CCNDBP1: variants seen among roughly 807,000 people sequenced by gnomAD.
The protein encoded by CCNDBP1 is cyclin D1 binding protein 1.
In CCNDBP1, 45 loss-of-function variants were observed where a neutral mutation model predicts 46.2. The observed-to-expected ratio is 0.97, with a 90% CI of 0.77 to 1.25. The LOEUF is 1.25. CCNDBP1 is among the 50% of genes most tolerant of loss of function. The pLI, the probability that CCNDBP1 is intolerant of heterozygous loss-of-function variation, is 0.00. For synonymous variants in CCNDBP1, 154 were observed against 163.6 expected (o/e 0.94, Z 0.45); for missense variants, 436 against 442.1 (o/e 0.99, Z 0.12).
chr15:43,192,704 G>A (rs372064198), intron 8 of CCNDBP1, 39 bp from the exon 9 acceptor site: 142 of 1,597,176 alleles, frequency 8.9e-5, no homozygotes, highest in Admixed American at 2.0e-4. Flanking sequence ...ACCTGGCTGC[G>A]TTTTTTTGTT....
intron 2 of CCNDBP1, 95 bp downstream of exon 2, chr15:43,185,974 C>T (rs548288479): frequency 1.9e-5 from 25 of 1,290,952 alleles, no homozygotes; most frequent in Middle Eastern, 1.8e-4. Context: ...GGACTGCTCT[C>T]CCCCGCTGCA....
At position 43,191,436 on chromosome 15, in the gene CCNDBP1, T is replaced by C. The variant is rs373552340; in HGVS notation, c.621T>C (p.Asp207=). ...ACCCTTACTCTGGCCTCTTGAATGA[T>C]ACTGAGGAGAACAACTCTGACAACC... The part of the protein sequence containing the change: ...ECDPYSGLLN[D]TEENNSDNHN... Residue 207 remains aspartate, a synonymous_variant, in exon 8 of 11, where the codon GAT becomes GAC. Coordinates refer to ENST00000300213, the MANE Select transcript of CCNDBP1 (RefSeq NM_012142.5). 56 of 1,598,560 alleles carry C rather than the reference T, an allele frequency of 3.5e-5. No individual in the cohort carries two copies. In the African/African-American group the frequency reaches 6.3e-4, roughly 18 times the overall value.
At chr15:43,185,789 C>T in intron 1 of CCNDBP1, 31 bp from the exon 2 acceptor site, 1 of 1,605,878 alleles carries the variant, frequency 6.2e-7, no homozygotes, top group Non-Finnish European at 8.5e-7. Flanking sequence ...CCATTCGCCA[C>T]CGTTCGGCCC....
At chr15:43,185,942 C>T in intron 2 of CCNDBP1, 63 bp downstream of exon 2, 1 of 1,504,320 alleles carries the variant, frequency 6.6e-7, no homozygotes, top group Non-Finnish European at 9.1e-7. Flanking sequence ...ACCCCTTTTC[C>T]TCCCGCTGTC....
intron 5 of CCNDBP1, 38 bp downstream of exon 5, chr15:43,190,189 T>C: frequency 6.2e-7 from 1 of 1,604,264 alleles, no homozygotes; most frequent in Non-Finnish European, 8.5e-7. Context: ...GTTATTGGGG[T>C]TCCTTGCCTC....
chr15:43,186,919 T>A (rs1057220931), intron 3 of CCNDBP1, among the ~76,000 whole-genome samples: 29 of 152,234 alleles, frequency 1.9e-4, no homozygotes, highest in African/African-American at 7.0e-4. Flanking sequence ...AACAGTGTCG[T>A]GATGAATTAC....
chr15:43,190,670 G>A (rs549191623), intron 6 of CCNDBP1, among the ~76,000 whole-genome samples: 2 of 152,314 alleles, frequency 1.3e-5, no homozygotes, highest in East Asian at 3.9e-4. Flanking sequence ...GTATTATGGA[G>A]CACACTGAAG....
rs74329663 is a variant in CCNDBP1, at chr15:43,196,959, C to G, written c.*2118C>G. 3.4e-3 allele frequency: 1,208 copies of G among 355,578 alleles called. 9 individuals carry two copies. Among genetic ancestry groups the G allele is most frequent in the African/African-American group, 0.023 (1,088 of 47,298 alleles). 22.0% of individuals were successfully genotyped at this position (355,578 alleles called of 1,614,324 possible). A position where few individuals can be genotyped will look rare whatever the true frequency, so the allele number is the denominator to read the frequency against. On this transcript the variant is annotated 3_prime_UTR_variant, in exon 11 of 11. Transcript: ENST00000300213. ...CCATTGGTGGGGTAATGAGTAAGTT[C>G]TCGCTCTATATGTCCCTCCCCCACC...
At chr15:43,194,076 T>TTTA in intron 9 of CCNDBP1, 1 of 323,802 alleles carries the variant, frequency 3.1e-6, no homozygotes, top group Non-Finnish European at 5.8e-6. Flanking sequence ...TTTTTTTTTT[T>TTTA]AAAGGAACCT....
intron 3 of CCNDBP1, 71 bp downstream of exon 3, chr15:43,186,304 C>T: frequency 8.3e-7 from 1 of 1,198,136 alleles, no homozygotes; most frequent in Non-Finnish European, 1.2e-6. Context: ...TTTCTTTCCA[C>T]CTTTTGCACG....
At chr15:43,192,955 G>T in intron 9 of CCNDBP1, 152 bp downstream of exon 9, 2 of 678,648 alleles carry the variant, frequency 2.9e-6, no homozygotes, top group Non-Finnish European at 5.2e-6. Flanking sequence ...TGCGTTTGGG[G>T]TTGATAAATA....
chr15:43,189,413 A>G (rs1161471311), intron 4 of CCNDBP1, 133 bp downstream of exon 4: 14 of 562,374 alleles, frequency 2.5e-5, no homozygotes, highest in Middle Eastern at 3.2e-4. Flanking sequence ...ATAATTTTGT[A>G]ATGTAAGTGA....
In CCNDBP1 at chr15:43,191,006, G is replaced by A. The variant is rs752646308; in HGVS notation, c.543G>A (p.Val181=). Residue 181 remains valine (V), a synonymous_variant, in exon 7 of 11, where the codon GTG becomes GTA. Transcript: ENST00000300213. The part of the protein sequence containing the change: ...AAALLMLTKN[V]DFVKDAHEEM... ...CTCTTTTGATGCTGACCAAGAATGT[G>A]GATTTTGTGAAGGATGCACATGAAG... 1 of 1,614,130 alleles carries A rather than the reference G, an allele frequency of 6.2e-7. No individual in the cohort carries two copies. Among genetic ancestry groups the A allele is most frequent in the Admixed American group, 1.7e-5 (1 of 60,030 alleles).
At chr15:43,189,627 C>T in intron 4 of CCNDBP1, 1 of 317,692 alleles carries the variant, frequency 3.1e-6, no homozygotes, top group East Asian at 6.4e-5. Flanking sequence ...CATGTTATAT[C>T]TCACCCTATT....
At chr15:43,190,879 T>C (rs914973956) in intron 6 of CCNDBP1, 87 bp from the exon 7 acceptor site, 11 of 1,086,708 alleles carry the variant, frequency 1.0e-5, no homozygotes, top group Admixed American at 3.5e-5. Context: ...CTCCCATCAA[T>C]AGGAACAATG....
intron 3 of CCNDBP1, chr15:43,188,779 A>G (rs1439757709): frequency 6.3e-6 from 1 of 158,314 alleles, no homozygotes; most frequent in South Asian, 1.8e-4. Context: ...ATGATGCTGT[A>G]GAAATATCTG....
chr15:43,191,634 G>C lies in CCNDBP1; in HGVS notation c.819G>C (p.Gln273His). The C allele has an allele frequency of 6.2e-7, 1 of 1,610,952 alleles. No homozygotes were observed. Among genetic ancestry groups the C allele is most frequent in the South Asian group, 1.1e-5 (1 of 91,074 alleles). ...AENGKKDQVA[Q>H]LDDIVDISDE... ...ATGGGAAGAAGGATCAGGTGGCACA[G>C]CTGGATGACATTGTGGATATTTCTG... is the stretch of plus-strand genomic sequence containing the variant. Residue 273 changes from glutamine (Q) to histidine (H), a missense_variant, in exon 8 of 11, where the codon CAG becomes CAC. Transcript: ENST00000300213.
At chr15:43,192,600 T>C (rs1175026971) in intron 8 of CCNDBP1, 143 bp from the exon 9 acceptor site, 2 of 677,074 alleles carry the variant, frequency 3.0e-6, no homozygotes, top group African/African-American at 3.6e-5. Flanking sequence ...GAACTCATTC[T>C]GTATTGGTTG....
intron 8 of CCNDBP1, among the ~76,000 whole-genome samples, chr15:43,192,274 G>C (rs2041966215): frequency 6.6e-6 from 1 of 152,066 alleles, no homozygotes; most frequent in African/African-American, 2.4e-5. Flanking sequence ...TCTCATTTTT[G>C]CAAGAATATC....
Sources: allele counts gnomAD v4.1 joint callset (sites outside exome capture counted in the v4.1 genomes callset), GRCh38; gene constraint gnomAD v4.1.1; transcripts MANE v1.5; gene names NCBI Gene and HGNC (gene_info 2026-07-23, HGNC 2026-07-21).